Variants in HK1 observed in about 807,000 individuals in gnomAD.
The protein encoded by HK1 is hexokinase 1, also known as hexokinase-1.
A neutral mutation model predicts 91.6 loss-of-function variants in HK1; 28 were observed. The ratio of observed to expected loss-of-function variants is 0.31; its 90% CI spans 0.23 to 0.42. The LOEUF is 0.42. HK1 is among the 10% of genes least tolerant of loss of function. The probability of loss-of-function intolerance (pLI) is 1.00; values close to 1 mark genes in which losing one functional copy is unlikely to be tolerated. For missense variants in HK1, 770 were observed against 1,219.8 expected (o/e 0.63, Z 5.49); for synonymous variants, 430 against 468.1 (o/e 0.92, Z 1.05).
At chr10:69,295,011 CAGAGAG>C (rs3086615) in intron 3 of HK1, among the ~76,000 whole-genome samples, 17 of 125,140 alleles carry the variant, frequency 1.4e-4, no homozygotes, top group Admixed American at 6.0e-4. Flanking sequence ...GCCTGGGCAA[CAGAGAG>C]AGAGAGAGAG....
intron 4 of HK1, among the ~76,000 whole-genome samples, chr10:69,297,090 C>A (rs1845602160): frequency 1.3e-5 from 2 of 152,162 alleles, no homozygotes; most frequent in Admixed American, 1.3e-4. Context: ...TCTACTCCCC[C>A]AAAACCAAAC....
At chr10:69,275,528 C>T (rs1844395534) in intron 1 of HK1, among the ~76,000 whole-genome samples, 1 of 151,992 alleles carries the variant, frequency 6.6e-6, no homozygotes, top group Non-Finnish European at 1.5e-5. Context: ...CTGTAAAGGG[C>T]CAGGCAGTCA....
intron 1 of HK1, among the ~76,000 whole-genome samples, chr10:69,341,569 A>G (rs554105510): frequency 1.1e-4 from 16 of 151,552 alleles, no homozygotes; most frequent in African/African-American, 3.1e-4. Flanking sequence ...GGCCCAAGTG[A>G]TCCTCTTGCC....
At chr10:69,344,768 G>C (rs1009018161) in intron 2 of HK1, among the ~76,000 whole-genome samples, 2 of 152,168 alleles carry the variant, frequency 1.3e-5, no homozygotes, top group East Asian at 1.9e-4. Context: ...CGGCAGACCC[G>C]CAGTTACTAG....
intron 3 of HK1, chr10:69,288,868 C>T (rs549070482): frequency 3.1e-5 from 31 of 993,646 alleles, no homozygotes; most frequent in East Asian, 2.3e-4. Flanking sequence ...CTCACTATAA[C>T]CTCTGCCTCC....
intron 5 of HK1, among the ~76,000 whole-genome samples, chr10:69,308,829 T>C (rs1038652816): frequency 1.3e-5 from 2 of 152,166 alleles, no homozygotes; most frequent in African/African-American, 4.8e-5. Context: ...CAGTTCACAA[T>C]AGGGTTTGTA....
intron 4 of HK1, 26 bp from the exon 5 acceptor site, chr10:69,368,510 C>A (rs1436127945): frequency 6.2e-7 from 1 of 1,604,504 alleles, no homozygotes; most frequent in East Asian, 2.2e-5. Flanking sequence ...CAGCCCTCAT[C>A]CAGCCCCATC....
chr10:69,294,063 G>A (rs563272941), intron 3 of HK1, among the ~76,000 whole-genome samples: 49 of 151,780 alleles, frequency 3.2e-4, no homozygotes, highest in East Asian at 1.9e-3. Flanking sequence ...GGGTTTCACC[G>A]TGTTAGCCAG....
At chr10:69,271,167 C>T (rs867937497) in intron 1 of HK1, 1 of 152,062 alleles carries the variant, frequency 6.6e-6, no homozygotes, top group Non-Finnish European at 1.5e-5. Context: ...TAAACAGGAA[C>T]AAGGTGACGA....
At chr10:69,351,976 A>G (rs1040588641) in intron 2 of HK1, among the ~76,000 whole-genome samples, 3 of 151,318 alleles carry the variant, frequency 2.0e-5, no homozygotes, top group Non-Finnish European at 4.4e-5. Flanking sequence ...TACTGAATTC[A>G]ATTTTTTCAG....
chr10:69,315,805 G>T (rs1846607535), upstream of HK1: 2 of 766,748 alleles, frequency 2.6e-6, no homozygotes, highest in Admixed American at 1.9e-5. Context: ...TGAGGGGTTG[G>T]GGGTGGGATG....
Position 69,384,395 on chromosome 10 carries a change from A to G in HK1, c.1633A>G (p.Ile545Val). 1 of 1,614,172 alleles carries G rather than the reference A, an allele frequency of 6.2e-7. No individual in the cohort carries two copies. The highest frequency in any genetic ancestry group is 8.5e-7 in the Non-Finnish European group (1 of 1,180,034). Residue 545 changes from isoleucine (I) to valine (V), a missense_variant, in exon 11 of 18, where the codon ATC becomes GTC. Transcript: ENST00000359426. ...GTNFRVLLVK[I>V]RSGKKRTVEM... ...CAATTTCCGTGTGCTGCTGGTGAAA[A>G]TCCGTAGTGGGAAAAAGAGAACGGT... is the stretch of plus-strand genomic sequence containing the variant.
At chr10:69,390,926 C>T (rs1839869073) in intron 14 of HK1, among the ~76,000 whole-genome samples, 1 of 152,222 alleles carries the variant, frequency 6.6e-6, no homozygotes, top group Non-Finnish European at 1.5e-5. Context: ...GAGGCAAGTT[C>T]AGTGACCACA....
intron 1 of HK1, among the ~76,000 whole-genome samples, chr10:69,342,572 C>T (rs1478883259): frequency 6.6e-6 from 1 of 152,176 alleles, no homozygotes; most frequent in Non-Finnish European, 1.5e-5. Context: ...AGAGCCACAC[C>T]TGCAGAGGGT....
rs768285959 is a variant in HK1, at chr10:69,380,379, G to T, written c.1265+284G>T. Among the ~76,000 whole-genome samples, 3 of 152,106 alleles carry T rather than the reference G, an allele frequency of 2.0e-5. No individual in the cohort carries two copies. Among genetic ancestry groups the T allele is most frequent in the Non-Finnish European group, 2.9e-5 (2 of 68,030 alleles). On this transcript the variant is annotated intron_variant, in intron 9 of 17. Coordinates refer to ENST00000359426, the MANE Select transcript of HK1 (RefSeq NM_000188.3). This position sits in a 1 kb window ranked among gnomAD's most constrained non-coding sequence, Gnocchi z 4.0. ...TAGTTCTGGGCATAAGGTCAGCGTCGCCCCCTTGGGAAGTATCGCCCTTAG... is the reference window on the plus strand; with the variant it reads ...TAGTTCTGGGCATAAGGTCAGCGTCTCCCCCTTGGGAAGTATCGCCCTTAG...
At chr10:69,351,375 G>C (rs985738552) in intron 2 of HK1, among the ~76,000 whole-genome samples, 22 of 152,042 alleles carry the variant, frequency 1.4e-4, no homozygotes, top group African/African-American at 5.3e-4. Flanking sequence ...TGGGCGTGGT[G>C]GTGGGTGGCT....
intron 2 of HK1, among the ~76,000 whole-genome samples, 176 bp from the exon 3 acceptor site, chr10:69,359,721 A>G (rs74599046): frequency 0.014 from 2,070 of 152,166 alleles, 47 homozygotes; most frequent in African/African-American, 0.047. Context: ...TCTTTTGCCT[A>G]CTCTGCGTAT....
intron 1 of HK1, chr10:69,338,473 C>T (rs1848110914): frequency 7.8e-7 from 1 of 1,283,310 alleles, no homozygotes. Flanking sequence ...TGTCATGACT[C>T]CTGGGAACCT....
chr10:69,371,088 G>T (rs954406267), intron 7 of HK1, among the ~76,000 whole-genome samples: 1 of 152,188 alleles, frequency 6.6e-6, no homozygotes, highest in East Asian at 1.9e-4. Flanking sequence ...TCTCAGTACT[G>T]CAGGGTGGAC....
Sources: allele counts gnomAD v4.1 joint callset (sites outside exome capture counted in the v4.1 genomes callset), GRCh38; gene constraint gnomAD v4.1.1; non-coding constraint Gnocchi (gnomAD v3.1); transcripts MANE v1.5; gene names NCBI Gene and HGNC (gene_info 2026-07-23, HGNC 2026-07-21).